Variants in SRPK2 observed in about 807,000 individuals in gnomAD.
SRPK2 encodes SFRS protein kinase 2.
A neutral mutation model predicts 90.8 loss-of-function variants in SRPK2; 21 were observed. The ratio of observed to expected loss-of-function variants is 0.23; its 90% CI spans 0.16 to 0.33. The LOEUF (loss-of-function observed/expected upper bound fraction) is 0.33. SRPK2 is among the 10% of genes least tolerant of loss of function. The probability of loss-of-function intolerance (pLI) is 1.00; values close to 1 mark genes in which losing one functional copy is unlikely to be tolerated. For synonymous variants in SRPK2, 288 were observed against 311.1 expected, an observed-to-expected ratio of 0.93 and a Z score of 0.78; for missense variants, 620 against 869.0, an observed-to-expected ratio of 0.71 and a Z score of 3.60.
At chr7:105,149,544 C>G (rs1291402380) in intron 7 of SRPK2, among the ~76,000 whole-genome samples, 1 of 152,290 alleles carries the variant, frequency 6.6e-6, no homozygotes, top group South Asian at 2.1e-4. Context: ...TGCTGGGCGC[C>G]AGTCCCCTGG....
In SRPK2 at chr7:105,117,370, A is replaced by C. The variant is rs767079142; in HGVS notation, c.*468T>G. 1 of 181,112 alleles carries C rather than the reference A, an allele frequency of 5.5e-6. No homozygotes were observed. The highest frequency in any genetic ancestry group is 1.1e-5 in the Non-Finnish European group (1 of 87,516). The allele number at this position is 181,112 out of a possible 1,614,324, so 11.2% of individuals were successfully genotyped here. ...TTTACAGGGTGCATTTACATACACT[A>C]TAATACAGGAATGATGTCCCTTTGC... is the stretch of plus-strand genomic sequence containing the variant. On this transcript the variant is annotated 3_prime_UTR_variant, in exon 16 of 16. Transcript: ENST00000393651.
intron 3 of SRPK2, among the ~76,000 whole-genome samples, chr7:105,183,018 C>T (rs369269322): frequency 3.8e-4 from 58 of 152,246 alleles, no homozygotes; most frequent in East Asian, 1.7e-3. Flanking sequence ...ATAGTATTTA[C>T]AAGATCCTGA....
At chr7:105,337,765 G>A (rs909960000) in intron 2 of SRPK2, among the ~76,000 whole-genome samples, 1 of 152,022 alleles carries the variant, frequency 6.6e-6, no homozygotes, top group Non-Finnish European at 1.5e-5. Context: ...TCAGACTTTC[G>A]GCCTCTAGCA....
intron 2 of SRPK2, among the ~76,000 whole-genome samples, chr7:105,331,161 T>C (rs543313280): frequency 2.6e-5 from 4 of 151,956 alleles, no homozygotes; most frequent in African/African-American, 9.6e-5. Flanking sequence ...TTTAAAAGAT[T>C]AGCTGGGTGT....
rs1222678494 is a variant in SRPK2 at position 105,145,266 on chromosome 7, T to C, written c.813+17A>G. Reference sequence around the variant, plus strand: ...TTTTAACATGGTGCATATAAAGTAATATGCGTAAGTACTTACAGGTTTCTG... The same window carrying C: ...TTTTAACATGGTGCATATAAAGTAACATGCGTAAGTACTTACAGGTTTCTG... On this transcript the variant is annotated intron_variant, in intron 9 of 15. Transcript: ENST00000393651. The C allele has an allele frequency of 6.3e-7, 1 of 1,577,902 alleles. No homozygotes were observed.
At chr7:105,300,303 CTA>C (rs1810385550) in intron 2 of SRPK2, among the ~76,000 whole-genome samples, 1 of 149,162 alleles carries the variant, frequency 6.7e-6, no homozygotes, top group Non-Finnish European at 1.5e-5. Context: ...ATTTAGAACA[CTA>C]TGTGCACATA....
chr7:105,379,499 G>C (rs1200064459), intron 2 of SRPK2, among the ~76,000 whole-genome samples: 1 of 152,116 alleles, frequency 6.6e-6, no homozygotes, highest in African/African-American at 2.4e-5. Flanking sequence ...TGAAATTCAA[G>C]AACAGACAAA....
chr7:105,228,387 A>G (rs1323211285), intron 2 of SRPK2, among the ~76,000 whole-genome samples: 2 of 152,232 alleles, frequency 1.3e-5, no homozygotes, highest in African/African-American at 4.8e-5. Context: ...TTCATAAAAG[A>G]TGTTGTTTTA....
chr7:105,228,905 G>A (rs1305254554), intron 2 of SRPK2, among the ~76,000 whole-genome samples: 1 of 152,200 alleles, frequency 6.6e-6, no homozygotes, highest in Non-Finnish European at 1.5e-5. Flanking sequence ...AGTAAACAGG[G>A]CGCCCCTGTT....
At chr7:105,222,629 A>C (rs936635186) in intron 2 of SRPK2, among the ~76,000 whole-genome samples, 1 of 152,232 alleles carries the variant, frequency 6.6e-6, no homozygotes, top group African/African-American at 2.4e-5. Flanking sequence ...GCATTCCTTA[A>C]AAGTTTTCCA....
intron 2 of SRPK2, among the ~76,000 whole-genome samples, chr7:105,251,898 G>A (rs1002183173): frequency 2.0e-5 from 3 of 152,170 alleles, no homozygotes; most frequent in Non-Finnish European, 4.4e-5. Context: ...GCTTGAGGGG[G>A]AAGAAGGAGC....
intron 2 of SRPK2, among the ~76,000 whole-genome samples, chr7:105,250,461 T>C (rs1159017738): frequency 6.6e-6 from 1 of 152,058 alleles, no homozygotes; most frequent in Non-Finnish European, 1.5e-5. Flanking sequence ...GTTGGCTGTG[T>C]TGGATTTACA....
chr7:105,119,692 T>C (rs58002268), intron 15 of SRPK2, among the ~76,000 whole-genome samples: 1 of 152,250 alleles, frequency 6.6e-6, no homozygotes, highest in African/African-American at 2.4e-5. Context: ...ACAGTCTCCA[T>C]AAAAACAAAG....
At chr7:105,316,758 G>C (rs1812353344) in intron 2 of SRPK2, among the ~76,000 whole-genome samples, 1 of 152,196 alleles carries the variant, frequency 6.6e-6, no homozygotes, top group Admixed American at 6.5e-5. Flanking sequence ...TCCAGGATCA[G>C]TTACATCCAT....
intron 7 of SRPK2, among the ~76,000 whole-genome samples, chr7:105,148,701 C>T (rs1038801564): frequency 2.6e-5 from 4 of 152,158 alleles, no homozygotes; most frequent in African/African-American, 7.2e-5. Flanking sequence ...ACATAAGAGA[C>T]TCCATTTTGA....
intron 2 of SRPK2, among the ~76,000 whole-genome samples, chr7:105,247,757 C>T (rs567377291): frequency 3.3e-5 from 5 of 151,966 alleles, no homozygotes; most frequent in Non-Finnish European, 5.9e-5. Context: ...GATGGTACCT[C>T]ACTATGTTGC....
chr7:105,204,503 G>A (rs1795955417), intron 2 of SRPK2: 3 of 363,190 alleles, frequency 8.3e-6, no homozygotes, highest in Non-Finnish European at 1.6e-5. Flanking sequence ...CCAGTGCGGG[G>A]AAATAGGACC....
intron 2 of SRPK2, among the ~76,000 whole-genome samples, chr7:105,374,325 A>G (rs537334955): frequency 1.3e-5 from 2 of 152,318 alleles, no homozygotes; most frequent in Non-Finnish European, 2.9e-5. Flanking sequence ...TTCATGTCCC[A>G]TAGTTAATTA....
At chr7:105,381,824 G>T (rs938242354) in intron 2 of SRPK2, among the ~76,000 whole-genome samples, 1 of 152,084 alleles carries the variant, frequency 6.6e-6, no homozygotes, top group Non-Finnish European at 1.5e-5. Context: ...TAAATTCAAG[G>T]GTTGAGGCTT....
Sources: allele counts gnomAD v4.1 joint callset (sites outside exome capture counted in the v4.1 genomes callset), GRCh38; gene constraint gnomAD v4.1.1; transcripts MANE v1.5; gene names NCBI Gene and HGNC (gene_info 2026-07-23, HGNC 2026-07-21).